DNMT3A: variants seen among roughly 807,000 people sequenced by gnomAD.
DNMT3A encodes DNA (cytosine-5)-methyltransferase 3A.
In DNMT3A, 267 loss-of-function variants were observed where a neutral mutation model predicts 117.6. That is an observed-to-expected ratio of 2.27 (90% CI 2.05 to 2.51). DNMT3A has a LOEUF of 2.51. Among genes scored for constraint, DNMT3A ranks in the 30% most tolerant of loss-of-function variants. DNMT3A has a pLI of 0.00. For missense variants in DNMT3A, 1,029 were observed against 1,260.2 expected (o/e 0.82, Z 2.78); for synonymous variants, 432 against 474.8 (o/e 0.91, Z 1.17).
chr2:25,241,577 GC>G lies in DNMT3A; in HGVS notation c.2066del (p.Ser689ThrfsTer16), dbSNP rs755960244. 6.2e-7 allele frequency: 1 copy of G among 1,613,770 alleles called. No individual in the cohort carries two copies. The highest frequency in any genetic ancestry group is 8.5e-7 in the Non-Finnish European group (1 of 1,179,864). ...GKIMYVGDVR[S>X]VTQKHIQEWG... ...ATGGACATACATGCTTCTGTGTGAC[GC>G]TGCGGACGTCCCCGACGTACATGAT... On this transcript the variant is annotated frameshift_variant, in exon 17 of 23. Transcript: ENST00000321117. LOFTEE classifies it high-confidence loss of function.
chr2:25,230,788 CA>C lies in DNMT3A; in HGVS notation c.*3490del, dbSNP rs1372678198. The C allele has an allele frequency of 1.6e-3, 6 of 3,708 alleles. No individual in the cohort carries two copies. Among genetic ancestry groups the C allele is most frequent in the Admixed American group, 7.1e-3 (2 of 282 alleles). 0.2% of individuals were successfully genotyped at this position (3,708 alleles called of 1,614,324 possible). A position where few individuals can be genotyped will look rare whatever the true frequency, so the allele number is the denominator to read the frequency against. ...TGGTGATTGTTAACTCTCGTCCCTG[CA>C]AGGGGGGGGGGGGGGGGGCCATGAC... On this transcript the variant is annotated 3_prime_UTR_variant, in exon 23 of 23. Transcript: ENST00000321117.
At chr2:25,312,342 G>A (rs1253421104) in intron 2 of DNMT3A, among the ~76,000 whole-genome samples, 1 of 152,212 alleles carries the variant, frequency 6.6e-6, no homozygotes, top group Non-Finnish European at 1.5e-5. Flanking sequence ...TTTTCCCATG[G>A]ATTCAGAAGG....
intron 6 of DNMT3A, among the ~76,000 whole-genome samples, chr2:25,272,355 C>T (rs2030981195): frequency 6.6e-6 from 1 of 152,180 alleles, no homozygotes; most frequent in South Asian, 2.1e-4. Context: ...CTAATTTTTC[C>T]TGGGAGTTGA....
chr2:25,246,926 G>A (rs1478384434), intron 9 of DNMT3A, 125 bp downstream of exon 9: 12 of 1,468,940 alleles, frequency 8.2e-6, no homozygotes, highest in Admixed American at 5.8e-5. Flanking sequence ...ACGGGCGAGC[G>A]AGGTGGAGAG....
In DNMT3A at chr2:25,312,378, C is replaced by T. The variant is rs144963679; in HGVS notation, c.72+1535G>A. 7.0e-3 allele frequency among the ~76,000 whole-genome samples: 1,067 copies of T among 152,344 alleles called. 4 individuals carry two copies. Among genetic ancestry groups the T allele is most frequent in the Non-Finnish European group, 0.012 (800 of 68,028 alleles). On this transcript the variant is annotated intron_variant, in intron 2 of 22. Transcript: ENST00000321117. ...GAGGAGCCTGATCGGTCGCCCCGGG[C>T]GTCCTGCCCAGTGGGCCGCAGCGCA...
chr2:25,275,706 GC>G (rs1434386599), intron 4 of DNMT3A, among the ~76,000 whole-genome samples, 163 bp from the exon 5 acceptor site: 1 of 152,206 alleles, frequency 6.6e-6, no homozygotes, highest in Non-Finnish European at 1.5e-5. Flanking sequence ...CACATGCCAG[GC>G]ACAGTGCTGA....
At chr2:25,238,384 G>C (rs1445091350) in intron 20 of DNMT3A, among the ~76,000 whole-genome samples, 1 of 152,144 alleles carries the variant, frequency 6.6e-6, no homozygotes, top group African/African-American at 2.4e-5. Context: ...ATGTCTCCTA[G>C]TTATACCAAG....
Position 25,314,114 on chromosome 2 carries a change from T to G in DNMT3A, c.-130A>C, listed in dbSNP as rs2034266055. 3.5e-6 allele frequency: 5 copies of G among 1,430,188 alleles called. No homozygotes were observed. The highest frequency in any genetic ancestry group is 4.6e-6 in the Non-Finnish European group (5 of 1,094,856). The allele number at this position is 1,430,188 out of a possible 1,614,324, so 88.6% of individuals were successfully genotyped here. Reference sequence around the variant, plus strand: ...TAGATCCCGGTGTTGAGCCCTCTGGTGAACGGTGCCTCTGTCAGCCTGTGG... The same window carrying G: ...TAGATCCCGGTGTTGAGCCCTCTGGGGAACGGTGCCTCTGTCAGCCTGTGG... On this transcript the variant is annotated 5_prime_UTR_variant, in exon 2 of 23. Coordinates refer to ENST00000321117, the MANE Select transcript of DNMT3A (RefSeq NM_022552.5).
intron 12 of DNMT3A, among the ~76,000 whole-genome samples, chr2:25,245,704 G>A (rs891123093): frequency 1.3e-5 from 2 of 152,232 alleles, no homozygotes; most frequent in African/African-American, 4.8e-5. Flanking sequence ...GGCTGAGGGC[G>A]ACAGCCCCAG....
intron 18 of DNMT3A, 53 bp downstream of exon 18, chr2:25,240,587 C>A (rs1673891809): frequency 1.2e-6 from 2 of 1,608,598 alleles, no homozygotes; most frequent in Admixed American, 1.7e-5. Flanking sequence ...AAGGAGGAAG[C>A]CTATGTGCGG....
In DNMT3A at chr2:25,235,763, AT is replaced by A; in HGVS notation, c.2540del (p.His847LeufsTer6). ...SNSIKQGKDQ[H>X]FPVFMNEKED... is the part of the protein sequence containing the mutation. Reference sequence around the variant, plus strand: ...CTTTCTCATTCATGAAGACAGGAAAATGCTGGTCTTTGCCCTGCTTTATGGA... The same window carrying A: ...CTTTCTCATTCATGAAGACAGGAAAAGCTGGTCTTTGCCCTGCTTTATGGA... On this transcript the variant is annotated frameshift_variant, in exon 22 of 23. Transcript: ENST00000321117. LOFTEE classifies it high-confidence loss of function. The A allele has an allele frequency of 6.2e-7, 1 of 1,614,198 alleles. No individual in the cohort carries two copies. Among genetic ancestry groups the A allele is most frequent in the Non-Finnish European group, 8.5e-7 (1 of 1,180,032 alleles).
intron 4 of DNMT3A, among the ~76,000 whole-genome samples, chr2:25,279,137 G>A (rs1053420292): frequency 2.6e-5 from 4 of 152,154 alleles, no homozygotes; most frequent in Non-Finnish European, 5.9e-5. Flanking sequence ...TGCTGGCGGG[G>A]GCAGGAACAG....
chr2:25,288,743 T>C (rs2032514696), intron 3 of DNMT3A, among the ~76,000 whole-genome samples: 1 of 152,236 alleles, frequency 6.6e-6, no homozygotes, highest in Non-Finnish European at 1.5e-5. Flanking sequence ...TCTCCAGAAC[T>C]TTTCCACGAT....
rs573173455 is a variant in DNMT3A, at chr2:25,305,093, G to A, written c.73-4850C>T. Among the ~76,000 whole-genome samples the A allele has an allele frequency of 1.6e-4, 25 of 152,332 alleles. 1 individual carries two copies. Among genetic ancestry groups the A allele is most frequent in the African/African-American group, 4.3e-4 (18 of 41,566 alleles). Reference sequence around the variant, plus strand: ...GACTGTCACAGAGTAGGTGCCTGACGTGAGTCCATAGACGCAAACAGAGAC... The same window carrying A: ...GACTGTCACAGAGTAGGTGCCTGACATGAGTCCATAGACGCAAACAGAGAC... On this transcript the variant is annotated intron_variant, in intron 2 of 22. Transcript: ENST00000321117. The surrounding 1 kb of genome is among the most constrained non-coding windows in gnomAD (Gnocchi z 4.1).
chr2:25,259,953 C>G (rs968958613), intron 6 of DNMT3A, among the ~76,000 whole-genome samples: 11 of 152,328 alleles, frequency 7.2e-5, no homozygotes, highest in Admixed American at 3.9e-4. Flanking sequence ...TCTTTCCCCC[C>G]CAACCCTGTT....
rs1384244915 is a variant in DNMT3A at position 25,293,650 on chromosome 2, C to T, written c.177+6489G>A. 6.6e-6 allele frequency among the ~76,000 whole-genome samples: 1 copy of T among 151,742 alleles called. No homozygotes were observed. The highest frequency in any genetic ancestry group is 1.5e-5 in the Non-Finnish European group (1 of 67,978). On this transcript the variant is annotated intron_variant, in intron 3 of 22. Transcript: ENST00000321117. This position sits in a 1 kb window ranked among gnomAD's most constrained non-coding sequence, Gnocchi z 4.7. ...ACCACAGGTGTACCACCATACCCAGCTACTATTTATTATATATATATATAA... is the reference window on the plus strand; with the variant it reads ...ACCACAGGTGTACCACCATACCCAGTTACTATTTATTATATATATATATAA...
intron 3 of DNMT3A, among the ~76,000 whole-genome samples, chr2:25,289,161 G>C (rs1234832079): frequency 6.6e-6 from 1 of 150,584 alleles, no homozygotes; most frequent in Non-Finnish European, 1.5e-5. Flanking sequence ...CGAGTGCAGT[G>C]GCGCGATCTC....
At chr2:25,292,741 G>A (rs550022166) in intron 3 of DNMT3A, among the ~76,000 whole-genome samples, 39 of 152,088 alleles carry the variant, frequency 2.6e-4, no homozygotes, top group African/African-American at 7.0e-4. Context: ...TTTCCAACTC[G>A]CTTATGTCTT....
chr2:25,260,753 C>T (rs942842425), intron 6 of DNMT3A, among the ~76,000 whole-genome samples: 4 of 152,146 alleles, frequency 2.6e-5, no homozygotes, highest in African/African-American at 7.2e-5. Flanking sequence ...CACACACACA[C>T]TCACCATGCA....
Sources: gnomAD v4.1 joint callset for allele counts (sites outside exome capture counted in the v4.1 genomes callset) on GRCh38, gnomAD v4.1.1 for gene constraint, Gnocchi (gnomAD v3.1) non-coding constraint, MANE v1.5 for transcripts, NCBI Gene and HGNC (gene_info 2026-07-23, HGNC 2026-07-21) for gene names.